Variants in CLSTN2 observed in about 807,000 individuals in gnomAD.
CLSTN2 encodes the protein calsyntenin 2.
CLSTN2 carries 48 observed loss-of-function variants against 101.2 expected under a neutral mutation model. That is an observed-to-expected ratio of 0.47 (90% CI 0.38 to 0.60). The LOEUF (loss-of-function observed/expected upper bound fraction) is 0.60. CLSTN2 is among the 20% of genes least tolerant of loss of function. The pLI is 0.00. For synonymous variants in CLSTN2, 481 were observed against 463.6 expected (o/e 1.04, Z -0.48); for missense variants, 1,160 against 1,238.2 (o/e 0.94, Z 0.95).
Position 140,211,820 on chromosome 3 carries a change from A to G in CLSTN2, c.232+35747A>G, listed in dbSNP as rs2010859838. ...CCAGTGAATCAGTAAAAGATGGGAA[A>G]AGAAAAAGAAGGAAAGAAAGAAACG... is the stretch of plus-strand genomic sequence containing the variant. On this transcript the variant is annotated intron_variant, in intron 2 of 16. Transcript: ENST00000458420. 3.9e-5 allele frequency among the ~76,000 whole-genome samples: 6 copies of G among 152,116 alleles called. No homozygotes were observed. In the South Asian group the frequency reaches 1.2e-3, roughly 32 times the overall value.
At chr3:140,233,017 A>T (rs891527684) in intron 2 of CLSTN2, among the ~76,000 whole-genome samples, 2 of 152,128 alleles carry the variant, frequency 1.3e-5, no homozygotes, top group Non-Finnish European at 2.9e-5. Context: ...TTAAAAAGAG[A>T]AATGCAGATG....
At chr3:140,339,410 T>C (rs1052409429) in intron 2 of CLSTN2, among the ~76,000 whole-genome samples, 1 of 152,068 alleles carries the variant, frequency 6.6e-6, no homozygotes, top group Non-Finnish European at 1.5e-5. Context: ...TGAAGAGTAA[T>C]TACAGGGATT....
chr3:140,062,199 G>A (rs1354485294), intron 1 of CLSTN2, among the ~76,000 whole-genome samples: 1 of 152,024 alleles, frequency 6.6e-6, no homozygotes, highest in Admixed American at 6.5e-5. Flanking sequence ...TCATGATGAC[G>A]TCAGTCCTCC....
Position 140,426,442 on chromosome 3 carries a change from G to A in CLSTN2, c.787+5168G>A, listed in dbSNP as rs543882212. On this transcript the variant is annotated intron_variant, in intron 5 of 16. Coordinates refer to ENST00000458420, the MANE Select transcript of CLSTN2 (RefSeq NM_022131.3). ...GGTTTCCAGCTCCATCCATGTCCCT[G>A]CAAAGGACATGATCTTGTTCCTTTT... is the stretch of plus-strand genomic sequence containing the variant. 2.0e-5 allele frequency among the ~76,000 whole-genome samples: 3 copies of A among 152,314 alleles called. No individual in the cohort carries two copies. In the South Asian group the frequency reaches 6.2e-4, roughly 32 times the overall value.
At chr3:140,435,653 C>G (rs1005232719) in intron 5 of CLSTN2, among the ~76,000 whole-genome samples, 1 of 152,192 alleles carries the variant, frequency 6.6e-6, no homozygotes, top group African/African-American at 2.4e-5. Flanking sequence ...AAACCGTTCT[C>G]CATAGTAGTT....
intron 1 of CLSTN2, among the ~76,000 whole-genome samples, chr3:140,048,912 C>G (rs569475729): frequency 1.3e-5 from 2 of 152,208 alleles, no homozygotes; most frequent in African/African-American, 2.4e-5. Flanking sequence ...GTTCTCCAGT[C>G]CCTGCTGCTT....
chr3:140,526,716 T>C (rs895636271), intron 8 of CLSTN2, among the ~76,000 whole-genome samples: 5 of 150,500 alleles, frequency 3.3e-5, no homozygotes, highest in African/African-American at 9.7e-5. Context: ...AAAAACAGCA[T>C]GGTACTGGTA....
chr3:140,532,302 T>A, intron 8 of CLSTN2, 22 bp from the exon 9 acceptor site: 1 of 1,572,684 alleles, frequency 6.4e-7, no homozygotes. Flanking sequence ...TTTTAAATGT[T>A]GCTTCTCTTT....
chr3:140,284,370 C>T (rs1393321910), intron 2 of CLSTN2, among the ~76,000 whole-genome samples: 1 of 152,144 alleles, frequency 6.6e-6, no homozygotes, highest in Non-Finnish European at 1.5e-5. Flanking sequence ...AACACCATCA[C>T]CCTTAGCCAG....
At chr3:140,262,803 A>T (rs1002045789) in intron 2 of CLSTN2, among the ~76,000 whole-genome samples, 5 of 152,170 alleles carry the variant, frequency 3.3e-5, no homozygotes, top group Non-Finnish European at 7.3e-5. Context: ...TGTAGGACAG[A>T]TTCTCCAGTA....
intron 1 of CLSTN2, among the ~76,000 whole-genome samples, chr3:140,095,275 G>T (rs1361809027): frequency 6.6e-6 from 1 of 152,176 alleles, no homozygotes; most frequent in Non-Finnish European, 1.5e-5. Context: ...CTTTTGTTCT[G>T]AAAGTTCTTC....
At chr3:140,324,131 G>T (rs892828363) in intron 2 of CLSTN2, among the ~76,000 whole-genome samples, 2 of 152,142 alleles carry the variant, frequency 1.3e-5, no homozygotes, top group African/African-American at 2.4e-5. Flanking sequence ...ACCTTGAAAA[G>T]TACTGTGGGC....
chr3:140,291,509 T>C (rs2086952977), intron 2 of CLSTN2, among the ~76,000 whole-genome samples: 1 of 152,042 alleles, frequency 6.6e-6, no homozygotes, highest in Non-Finnish European at 1.5e-5. Flanking sequence ...TTGAACTTCC[T>C]TCTCAGTTGT....
intron 9 of CLSTN2, among the ~76,000 whole-genome samples, chr3:140,533,728 A>G (rs1935306990): frequency 6.7e-6 from 1 of 148,826 alleles, no homozygotes. Flanking sequence ...AAAAAAAAAA[A>G]AAAAGAATAT....
intron 2 of CLSTN2, among the ~76,000 whole-genome samples, chr3:140,280,182 T>C (rs1358020611): frequency 6.6e-6 from 1 of 152,216 alleles, no homozygotes; most frequent in East Asian, 1.9e-4. Flanking sequence ...GTAGACTACA[T>C]TCTGAGATTC....
intron 1 of CLSTN2, among the ~76,000 whole-genome samples, chr3:140,165,637 T>C (rs951584297): frequency 2.6e-5 from 4 of 152,086 alleles, no homozygotes; most frequent in Non-Finnish European, 5.9e-5. Context: ...AAGGCCTGGA[T>C]AACCTAGAGA....
At chr3:140,041,851 G>C (rs1050553975) in intron 1 of CLSTN2, among the ~76,000 whole-genome samples, 1 of 152,188 alleles carries the variant, frequency 6.6e-6, no homozygotes, top group Admixed American at 6.5e-5. Context: ...CCCTGCGATA[G>C]CTTATACAGA....
chr3:140,132,485 T>C (rs1350118014), intron 1 of CLSTN2, among the ~76,000 whole-genome samples: 2 of 152,190 alleles, frequency 1.3e-5, no homozygotes, highest in Non-Finnish European at 2.9e-5. Context: ...AGAAAGTACA[T>C]GGACCACGGG....
chr3:140,263,783 C>G (rs1241407094), intron 2 of CLSTN2, among the ~76,000 whole-genome samples: 1 of 152,064 alleles, frequency 6.6e-6, no homozygotes, highest in Non-Finnish European at 1.5e-5. Flanking sequence ...ATATTAATTA[C>G]TTATTGGTAA....
Sources: allele counts gnomAD v4.1 joint callset (sites outside exome capture counted in the v4.1 genomes callset), GRCh38; gene constraint gnomAD v4.1.1; transcripts MANE v1.5; gene names NCBI Gene and HGNC (gene_info 2026-07-23, HGNC 2026-07-21).